SYNE1: variants seen among roughly 807,000 people sequenced by gnomAD.
SYNE1 encodes the protein nesprin-1.
Under a neutral mutation model 1,111.0 loss-of-function variants are expected in SYNE1, and 616 were observed. The ratio of observed to expected loss-of-function variants is 0.55; its 90% CI spans 0.52 to 0.59. SYNE1 has a LOEUF of 0.59. Ranked by LOEUF, SYNE1 falls within the 20% of genes least tolerant of loss-of-function variation. The pLI is 0.00. For synonymous variants in SYNE1, 3,855 were observed against 3,825.8 expected (o/e 1.01, Z -0.28); for missense variants, 10,006 against 10,417.0 (o/e 0.96, Z 1.72).
intron 30 of SYNE1, among the ~76,000 whole-genome samples, chr6:152,442,694 C>G (rs1253036309): frequency 6.6e-6 from 1 of 152,150 alleles, no homozygotes; most frequent in African/African-American, 2.4e-5. Context: ...ACCTGTAATC[C>G]TAGCATTTTG....
intron 41 of SYNE1, among the ~76,000 whole-genome samples, chr6:152,414,249 A>C (rs79594685): frequency 8.0e-5 from 12 of 150,546 alleles, no homozygotes; most frequent in African/African-American, 2.9e-4. Context: ...ACAAAAAATT[A>C]AAAAAAAAAT....
At position 152,319,027 on chromosome 6, in the gene SYNE1, AG is replaced by A. The variant is rs758437735; in HGVS notation, c.16237-13del. ...ATTTTGTCTTGGATCTAAAAAAATC[AG>A]TAAGAACAGCAAAACAAGCCATGGT... On this transcript the variant is annotated splice_polypyrimidine_tract_variant and intron_variant, in intron 84 of 145. Coordinates refer to ENST00000367255, the MANE Select transcript of SYNE1 (RefSeq NM_182961.4). The A allele has an allele frequency of 6.2e-6, 10 of 1,613,984 alleles. No individual in the cohort carries two copies. In the Middle Eastern group the frequency reaches 4.9e-4, roughly 80 times the overall value.
At chr6:152,203,158 G>C (rs943212770) in intron 126 of SYNE1, among the ~76,000 whole-genome samples, 1 of 152,100 alleles carries the variant, frequency 6.6e-6, no homozygotes, top group African/African-American at 2.4e-5. Context: ...GGAGAATTTG[G>C]ATGGCACAAT....
chr6:152,224,727 C>T (rs2081051002), intron 116 of SYNE1, 63 bp from the exon 117 acceptor site: 2 of 1,508,646 alleles, frequency 1.3e-6, no homozygotes, highest in Admixed American at 3.4e-5. Context: ...AATATATATT[C>T]AATTGATGGG....
intron 90 of SYNE1, among the ~76,000 whole-genome samples, chr6:152,309,156 C>G (rs1420096177): frequency 1.3e-5 from 2 of 152,080 alleles, no homozygotes; most frequent in African/African-American, 4.8e-5. Context: ...CCATCTCTAC[C>G]AAACAAAAGT....
At chr6:152,317,346 A>G (rs1035473971) in intron 86 of SYNE1, among the ~76,000 whole-genome samples, 2 of 149,006 alleles carry the variant, frequency 1.3e-5, no homozygotes, top group Admixed American at 1.4e-4. Context: ...TCAGCCTCCC[A>G]CGTAGCTGGG....
chr6:152,482,197 G>C (rs1336390942), intron 14 of SYNE1, among the ~76,000 whole-genome samples: 1 of 152,060 alleles, frequency 6.6e-6, no homozygotes, highest in Non-Finnish European at 1.5e-5. Flanking sequence ...ACATCTCTGT[G>C]TCTCTGTATA....
intron 30 of SYNE1, 94 bp downstream of exon 30, chr6:152,444,317 C>T (rs755364946): frequency 1.8e-5 from 25 of 1,413,790 alleles, no homozygotes; most frequent in Middle Eastern, 1.8e-4. Context: ...CTCACCCACT[C>T]TCTCAAGCCA....
In SYNE1 at chr6:152,148,833, C is replaced by T. The variant is rs1014156671; in HGVS notation, c.24643-455G>A. Among the ~76,000 whole-genome samples the T allele has an allele frequency of 6.6e-6, 1 of 151,982 alleles. No homozygotes were observed. The highest frequency in any genetic ancestry group is 1.5e-5 in the Non-Finnish European group (1 of 67,964). ...AAGAAAGGCAATCTACTACCATGCC[C>T]ACCACACAACACCTACACACTGGCA... On this transcript the variant is annotated intron_variant, in intron 136 of 145. Transcript: ENST00000367255. This position sits in a 1 kb window ranked among gnomAD's most constrained non-coding sequence, Gnocchi z 4.1.
At chr6:152,378,260 A>G (rs1475608215) in intron 56 of SYNE1, among the ~76,000 whole-genome samples, 2 of 152,234 alleles carry the variant, frequency 1.3e-5, no homozygotes, top group African/African-American at 2.4e-5. Flanking sequence ...TAACTACTCA[A>G]ATAGCTTTGC....
In SYNE1 at chr6:152,330,301, T is replaced by C. The variant is rs2096215423; in HGVS notation, c.14384A>G (p.Lys4795Arg). 5.6e-6 allele frequency: 9 copies of C among 1,614,178 alleles called. No individual in the cohort carries two copies. The East Asian group carries it at 2.0e-4, about 36-fold the overall frequency. Residue 4795 changes from lysine to arginine, a missense_variant, in exon 78 of 146, where the codon AAG becomes AGG. Coordinates refer to ENST00000367255, the MANE Select transcript of SYNE1 (RefSeq NM_182961.4). ...TTTGGACTGCTCCTCTTTTACAGAC[T>C]TCAGTTGTCTCTCCAGCTGTTGGCA... Reference protein sequence around the residue: ...KMCQQLERQLKSVKEEQSKVN... With the variant: ...KMCQQLERQLRSVKEEQSKVN...
At chr6:152,497,866 A>G (rs1236027816) in intron 11 of SYNE1, among the ~76,000 whole-genome samples, 1 of 152,208 alleles carries the variant, frequency 6.6e-6, no homozygotes, top group Non-Finnish European at 1.5e-5. Context: ...CCTATTGCTT[A>G]TATCTAAATT....
chr6:152,572,605 C>T (rs1269309528), intron 3 of SYNE1, among the ~76,000 whole-genome samples: 2 of 152,184 alleles, frequency 1.3e-5, no homozygotes, highest in Non-Finnish European at 2.9e-5. Flanking sequence ...AGTAATACTA[C>T]TCATCGTTGC....
At chr6:152,173,618 G>A (rs768637265) in intron 130 of SYNE1, among the ~76,000 whole-genome samples, 46 of 152,274 alleles carry the variant, frequency 3.0e-4, no homozygotes, top group African/African-American at 9.4e-4. Flanking sequence ...TGTGACAGCC[G>A]GGTGTCTTTC....
chr6:152,312,996 C>G (rs2095599838), intron 87 of SYNE1, among the ~76,000 whole-genome samples: 1 of 152,128 alleles, frequency 6.6e-6, no homozygotes, highest in Non-Finnish European at 1.5e-5. Flanking sequence ...AACGGCTACT[C>G]CATTGACAAA....
rs1466812318 is a variant in SYNE1, at chr6:152,330,480, C to G, written c.14205G>C (p.Gln4735His). The change falls in exon 78 of 146, where the codon CAG becomes CAC. Residue 4735 changes from glutamine to histidine, a missense_variant. Coordinates refer to ENST00000367255, the MANE Select transcript of SYNE1 (RefSeq NM_182961.4). ...CTGTGCTGCGAAAACCTTCTTTTTT[C>G]TGGTTCAGTTCATCCACCGCCTCCC... ...GLGEAVDELN[Q>H]KKEGFRSTGQ... is the part of the protein sequence containing the mutation. 2 of 1,614,092 alleles carry G rather than the reference C, an allele frequency of 1.2e-6. No individual in the cohort carries two copies. The highest frequency in any genetic ancestry group is 4.5e-5 in the East Asian group (2 of 44,878).
intron 14 of SYNE1, among the ~76,000 whole-genome samples, chr6:152,482,547 C>T (rs1190913439): frequency 1.3e-5 from 2 of 152,046 alleles, no homozygotes; most frequent in African/African-American, 2.4e-5. Context: ...TCACAAAACA[C>T]AAAGAGGAAA....
At chr6:152,279,544 C>T (rs954231961) in intron 97 of SYNE1, among the ~76,000 whole-genome samples, 4 of 151,364 alleles carry the variant, frequency 2.6e-5, no homozygotes, top group Admixed American at 1.3e-4. Context: ...AGTGAAACCC[C>T]GTCTCTCCAA....
intron 8 of SYNE1, among the ~76,000 whole-genome samples, chr6:152,505,787 T>C (rs567603733): frequency 4.8e-4 from 73 of 151,666 alleles, no homozygotes; most frequent in African/African-American, 1.6e-3. Flanking sequence ...AGAAACCAAA[T>C]TATAAAGATG....
Sources: allele counts gnomAD v4.1 joint callset (sites outside exome capture counted in the v4.1 genomes callset), GRCh38; gene constraint gnomAD v4.1.1; non-coding constraint Gnocchi (gnomAD v3.1); transcripts MANE v1.5; gene names NCBI Gene and HGNC (gene_info 2026-07-23, HGNC 2026-07-21).